Variants in DNAH11 observed in about 807,000 individuals in gnomAD.
DNAH11 encodes the protein dynein axonemal heavy chain 11, also known as axonemal beta dynein heavy chain 11.
A neutral mutation model predicts 526.0 loss-of-function variants in DNAH11; 442 were observed. The ratio of observed to expected loss-of-function variants is 0.84; its 90% CI spans 0.78 to 0.91. The LOEUF is 0.91. Among genes scored for constraint, DNAH11 ranks in the 40% least tolerant of loss-of-function variants. The pLI is 0.00. For missense variants in DNAH11, 6,989 were observed against 5,448.7 expected (o/e 1.28, Z -8.90); for synonymous variants, 2,461 against 1,935.9 (o/e 1.27, Z -7.12).
intron 79 of DNAH11, among the ~76,000 whole-genome samples, chr7:21,898,089 T>C (rs564361095): frequency 1.8e-4 from 28 of 152,358 alleles, no homozygotes; most frequent in African/African-American, 5.5e-4. Flanking sequence ...TCCTACCTGA[T>C]CCCTTCTAAG....
intron 10 of DNAH11, 115 bp from the exon 11 acceptor site, chr7:21,588,395 AAC>A (rs1204645243): frequency 2.7e-5 from 37 of 1,386,312 alleles, no homozygotes; most frequent in Non-Finnish European, 3.5e-5. Flanking sequence ...CAAGTGATTA[AAC>A]ACATATGTTT....
intron 65 of DNAH11, among the ~76,000 whole-genome samples, chr7:21,837,778 G>C (rs547222866): frequency 1.3e-5 from 2 of 152,078 alleles, no homozygotes; most frequent in African/African-American, 2.4e-5. Flanking sequence ...GCACAGTAGG[G>C]TGACTATAGT....
chr7:21,637,648 T>C lies in DNAH11; in HGVS notation c.4763T>C (p.Leu1588Ser). Residue 1588 changes from leucine (L) to serine (S), a missense_variant, in exon 27 of 82, where the codon TTA becomes TCA. Leu to Ser is a moderately radical substitution (Grantham distance 145, BLOSUM62 -2). Transcript: ENST00000409508. ...MFKTAKVENV[L>S]EATCRPNLYE... ...AAGACAGCCAAAGTAGAAAATGTGT[T>C]AGAAGCAACGTGCAGACCTAATCTC... 6.3e-7 allele frequency: 1 copy of C among 1,590,122 alleles called. No homozygotes were observed. The highest frequency in any genetic ancestry group is 8.6e-7 in the Non-Finnish European group (1 of 1,167,404).
Position 21,710,696 on chromosome 7 carries a change from A to T in DNAH11, c.6827A>T (p.Asp2276Val), listed in dbSNP as rs1220655969. ...GAATCACTGAATACTGTAATGGATG[A>T]TAACAAGGTGAATAAAACCTCTGTT... ...WIESLNTVMD[D>V]NKVLTLASNE... Residue 2276 changes from aspartate (D) to valine (V), a missense_variant, in exon 41 of 82, where the codon GAT becomes GTT. By Grantham distance (152) the Asp-to-Val change is radical. Coordinates refer to ENST00000409508, the MANE Select transcript of DNAH11 (RefSeq NM_001277115.2). The T allele has an allele frequency of 6.2e-7, 1 of 1,611,440 alleles. No individual in the cohort carries two copies.
In DNAH11 at chr7:21,601,580, G is replaced by C; in HGVS notation, c.3610G>C (p.Gly1204Arg). 2 of 1,602,130 alleles carry C rather than the reference G, an allele frequency of 1.2e-6. No individual in the cohort carries two copies. The highest frequency in any genetic ancestry group is 1.1e-5 in the South Asian group (1 of 90,266). Residue 1204 changes from glycine to arginine, a missense_variant, in exon 18 of 82, where the codon GGC becomes CGC. Transcript: ENST00000409508. ...KETITLLESY[G>R]QKMPEQVYIQ... ...AACGATCACCCTCTTGGAAAGCTAT[G>C]GCCAGAAGATGCCTGAGCAGGTCTA...
chr7:21,619,303 T>C, intron 24 of DNAH11, 81 bp downstream of exon 24: 3 of 1,506,348 alleles, frequency 2.0e-6, no homozygotes, highest in Non-Finnish European at 2.7e-6. Context: ...AAAAGTCCTT[T>C]TGATGTCCTG....
intron 48 of DNAH11, 148 bp from the exon 49 acceptor site, chr7:21,741,779 A>C: frequency 1.1e-6 from 1 of 871,254 alleles, no homozygotes; most frequent in Non-Finnish European, 1.7e-6. Flanking sequence ...TAAGTAAATC[A>C]CATGGCCAAC....
rs142785251 is a variant in DNAH11 at position 21,838,638 on chromosome 7, A to G, written c.10692-3906A>G. Among the ~76,000 whole-genome samples, 13 of 152,266 alleles carry G rather than the reference A, an allele frequency of 8.5e-5. No individual in the cohort carries two copies. In the South Asian group the frequency reaches 1.7e-3, roughly 19 times the overall value. The stretch of plus-strand genomic sequence containing the variant: ...GTAGCATGTATCAATACTTCATTCC[A>G]TTCTATGGCCAAATATTAGGTCGGT... On this transcript the variant is annotated intron_variant, in intron 65 of 81. Coordinates refer to ENST00000409508, the MANE Select transcript of DNAH11 (RefSeq NM_001277115.2).
chr7:21,565,481 G>A (rs1562665090), intron 6 of DNAH11, among the ~76,000 whole-genome samples: 1 of 152,184 alleles, frequency 6.6e-6, no homozygotes, highest in East Asian at 1.9e-4. Flanking sequence ...TGAGCAGTTA[G>A]GAGGAAAGCC....
chr7:21,716,596 A>T (rs1784671881), intron 42 of DNAH11, among the ~76,000 whole-genome samples: 1 of 152,180 alleles, frequency 6.6e-6, no homozygotes. Context: ...TAAGATCTAG[A>T]TACAAAGATT....
At chr7:21,845,856 C>T (rs566885819) in intron 66 of DNAH11, among the ~76,000 whole-genome samples, 3 of 152,130 alleles carry the variant, frequency 2.0e-5, no homozygotes, top group Non-Finnish European at 4.4e-5. Context: ...AATATTGAGA[C>T]TTCCTATTCA....
At position 21,784,380 on chromosome 7, in the gene DNAH11, T is replaced by A. The variant is rs367603951; in HGVS notation, c.9484-47T>A. 2.8e-6 allele frequency: 4 copies of A among 1,404,186 alleles called. No individual in the cohort carries two copies. The African/African-American group carries it at 4.3e-5, about 15-fold the overall frequency. 87.0% of individuals were successfully genotyped at this position (1,404,186 alleles called of 1,614,324 possible). On this transcript the variant is annotated intron_variant, in intron 57 of 81. Transcript: ENST00000409508. The stretch of plus-strand genomic sequence containing the variant: ...ACCTCCATTTTTCTTTAGAGATATC[T>A]GTGATAATAATTTATACGGGTTTGT...
At chr7:21,717,361 C>T (rs537803769) in intron 42 of DNAH11, among the ~76,000 whole-genome samples, 10 of 152,104 alleles carry the variant, frequency 6.6e-5, no homozygotes, top group Middle Eastern at 3.4e-3. Context: ...TCTTTTTATT[C>T]GTAACTGATT....
Position 21,638,996 on chromosome 7 carries a change from T to A in DNAH11, c.4875T>A (p.Phe1625Leu). The change falls in exon 28 of 82, where the codon TTT (phenylalanine) becomes TTA (leucine). Residue 1625 changes from phenylalanine to leucine, a missense_variant. Physicochemically the swap from Phe to Leu is conservative, Grantham distance 22. Coordinates refer to ENST00000409508, the MANE Select transcript of DNAH11 (RefSeq NM_001277115.2). ...ACCTGGAAACCAAGCGCATAGCCTT[T>A]CCTCGCTTCTATTTCGTCTCTTCTG... The part of the protein sequence containing the change: ...AEYLETKRIA[F>L]PRFYFVSSAD... 6.2e-7 allele frequency: 1 copy of A among 1,613,812 alleles called. No individual in the cohort carries two copies. Among genetic ancestry groups the A allele is most frequent in the Non-Finnish European group, 8.5e-7 (1 of 1,179,738 alleles).
At chr7:21,617,268 A>G (rs1785823148) in intron 22 of DNAH11, among the ~76,000 whole-genome samples, 1 of 152,230 alleles carries the variant, frequency 6.6e-6, no homozygotes, top group South Asian at 2.1e-4. Flanking sequence ...AGGAGGTCTT[A>G]GTAATCTGAT....
chr7:21,606,883 A>G (rs1785310794), intron 20 of DNAH11, 150 bp downstream of exon 20: 3 of 703,128 alleles, frequency 4.3e-6, no homozygotes, highest in African/African-American at 1.8e-5. Flanking sequence ...TTTCCCCTTA[A>G]GTAAATTGTA....
At chr7:21,828,764 T>G (rs1029414775) in intron 65 of DNAH11, among the ~76,000 whole-genome samples, 1 of 151,288 alleles carries the variant, frequency 6.6e-6, no homozygotes, top group African/African-American at 2.4e-5. Context: ...TTCTGGGTTT[T>G]TTTTTTTTTT....
At chr7:21,544,737 T>G (rs879107836) in intron 1 of DNAH11, among the ~76,000 whole-genome samples, 1 of 152,164 alleles carries the variant, frequency 6.6e-6, no homozygotes, top group African/African-American at 2.4e-5. Flanking sequence ...ATTTTTTTTT[T>G]GGTGTATAAT....
intron 62 of DNAH11, among the ~76,000 whole-genome samples, chr7:21,805,217 T>C (rs1789208733): frequency 6.6e-6 from 1 of 152,194 alleles, no homozygotes. Context: ...CTCCACTTGC[T>C]CTGTTAACAT....
Sources: allele counts gnomAD v4.1 joint callset (sites outside exome capture counted in the v4.1 genomes callset), GRCh38; gene constraint gnomAD v4.1.1; transcripts MANE v1.5; gene names NCBI Gene and HGNC (gene_info 2026-07-23, HGNC 2026-07-21).